LHX6: variants seen among roughly 807,000 people sequenced by gnomAD.
The protein encoded by LHX6 is LIM homeobox 6, also known as LIM/homeobox protein Lhx6.
In LHX6, 15 loss-of-function variants were observed where a neutral mutation model predicts 47.1. The observed-to-expected ratio is 0.32, with a 90% confidence interval of 0.21 to 0.49. LHX6 has a LOEUF of 0.49. Among genes scored for constraint, LHX6 ranks in the 20% least tolerant of loss-of-function variants. LHX6 has a pLI of 0.99. For synonymous variants in LHX6, 242 were observed against 233.5 expected (o/e 1.04, Z -0.33); for missense variants, 404 against 539.6 (o/e 0.75, Z 2.49).
chr9:122,228,621 G>T, intron 1 of LHX6, 36 bp downstream of exon 1: 1 of 1,304,450 alleles, frequency 7.7e-7, no homozygotes, highest in Non-Finnish European at 9.7e-7. Flanking sequence ...GCCCGACCCC[G>T]GCCCGGGCCG....
intron 4 of LHX6, among the ~76,000 whole-genome samples, chr9:122,224,334 T>TCGG (rs1187508395): frequency 6.6e-6 from 1 of 152,176 alleles, no homozygotes; most frequent in African/African-American, 2.4e-5. Flanking sequence ...CCATCTGGCA[T>TCGG]GTTTTATACC....
chr9:122,223,376 C>G (rs1369976778), intron 4 of LHX6, among the ~76,000 whole-genome samples: 2 of 152,192 alleles, frequency 1.3e-5, no homozygotes, highest in African/African-American at 2.4e-5. Flanking sequence ...TGGCCCAGTC[C>G]CATCCCTCCA....
Position 122,227,499 on chromosome 9 carries a change from G to GGA in LHX6, c.85-20_85-19insTC. ...CCATCACCTGGGGGAGGGGGGGAGGGAACGCAGGCGGCGGCGGCTGCTGAA... is the reference window on the plus strand; with the variant it reads ...CCATCACCTGGGGGAGGGGGGGAGGGGAAACGCAGGCGGCGGCGGCTGCTGAA... On this transcript the variant is annotated intron_variant, in intron 1 of 9. Transcript: ENST00000394319. 56 of 656,130 alleles carry GGA rather than the reference G, an allele frequency of 8.5e-5. No homozygotes were observed. Among genetic ancestry groups the GGA allele is most frequent in the Middle Eastern group, 3.1e-4 (1 of 3,260 alleles). 40.6% of individuals were successfully genotyped at this position (656,130 alleles called of 1,614,324 possible).
intron 1 of LHX6, chr9:122,228,065 A>G: frequency 1.8e-6 from 1 of 543,816 alleles, no homozygotes; most frequent in Non-Finnish European, 3.3e-6. Context: ...TGAGGGGCGG[A>G]GGGTGGTTGA....
At chr9:122,218,845 C>G (rs1830699745) in intron 4 of LHX6, among the ~76,000 whole-genome samples, 2 of 152,086 alleles carry the variant, frequency 1.3e-5, no homozygotes, top group South Asian at 4.2e-4. Flanking sequence ...AAGCACTTTC[C>G]CACCCCCAGG....
intron 9 of LHX6, among the ~76,000 whole-genome samples, chr9:122,209,175 A>G (rs1389175380): frequency 2.0e-5 from 3 of 152,220 alleles, no homozygotes; most frequent in African/African-American, 7.2e-5. Flanking sequence ...CTGGCTCCAC[A>G]GAGGAGGCCC....
chr9:122,226,825 C>A lies in LHX6; in HGVS notation c.339+23G>T, dbSNP rs768897725. On this transcript the variant is annotated intron_variant, in intron 3 of 9. Coordinates refer to ENST00000394319, the MANE Select transcript of LHX6 (RefSeq NM_014368.5). The surrounding 1 kb of genome is among the most constrained non-coding windows in gnomAD (Gnocchi z 6.5). ...GCGTCCCACGCCCCGACAACACGCACGCAACACCTACCCCTGTCTCACCTT... is the reference window on the plus strand; with the variant it reads ...GCGTCCCACGCCCCGACAACACGCAAGCAACACCTACCCCTGTCTCACCTT... 1 of 1,554,182 alleles carries A rather than the reference C, an allele frequency of 6.4e-7. No individual in the cohort carries two copies. The highest frequency in any genetic ancestry group is 1.9e-5 in the Admixed American group (1 of 51,314).
Position 122,226,878 on chromosome 9 carries a change from G to A in LHX6, c.309C>T (p.Gly103=). The A allele has an allele frequency of 1.3e-6, 2 of 1,567,838 alleles. No homozygotes were observed. Among genetic ancestry groups the A allele is most frequent in the Non-Finnish European group, 1.7e-6 (2 of 1,156,628 alleles). The part of the protein sequence containing the change: ...SAGKNICSSC[G]LEILDRYLLK... ...GCAGATATCGGTCCAGGATCTCGAGGCCGCAGCTGGAGCAGATGTTCTTGC... is the reference window on the plus strand; with the variant it reads ...GCAGATATCGGTCCAGGATCTCGAGACCGCAGCTGGAGCAGATGTTCTTGC... The change falls in exon 3 of 10, where the codon GGC becomes GGT. Residue 103 remains glycine (G), a synonymous_variant. Transcript: ENST00000394319. The surrounding 1 kb of genome is among the most constrained non-coding windows in gnomAD (Gnocchi z 6.5).
In LHX6 at chr9:122,213,681, A is replaced by C; in HGVS notation, c.979T>G (p.Ser327Ala). 2 of 1,612,632 alleles carry C rather than the reference A, an allele frequency of 1.2e-6. No individual in the cohort carries two copies. The highest frequency in any genetic ancestry group is 2.7e-5 in the African/African-American group (2 of 75,044). ...AACGGGGTGTAGTGGATGTCGTCGG[A>C]CAGGGCGGAGGGAAGGCGGGACGGG... ...APPSRLPSAL[S>A]DDIHYTPFSS... Residue 327 changes from serine to alanine, a missense_variant, in exon 8 of 10, where the codon TCC (serine) becomes GCC (alanine). Ser to Ala is a moderately conservative substitution (Grantham distance 99, BLOSUM62 1). Around this residue, in one of 7 missense-constraint regions of LHX6, gnomAD observed 127 missense variants for 116.1 expected, o/e 1.09. Coordinates refer to ENST00000394319, the MANE Select transcript of LHX6 (RefSeq NM_014368.5). The surrounding 1 kb of genome is among the most constrained non-coding windows in gnomAD (Gnocchi z 5.5).
intron 5 of LHX6, 56 bp downstream of exon 5, chr9:122,216,987 TGGGTGGTTCCTGGGGTGCTGGGGTG>T: frequency 8.5e-7 from 1 of 1,170,722 alleles, no homozygotes; most frequent in Non-Finnish European, 1.2e-6. Flanking sequence ...TAGAGGAGTG[TGGGTGGTTCCTGGGGTGCTGGGGTG>T]GGGTGGGGTG....
intron 1 of LHX6, 113 bp from the exon 2 acceptor site, chr9:122,227,593 T>A: frequency 7.2e-7 from 1 of 1,385,846 alleles, no homozygotes; most frequent in Non-Finnish European, 9.3e-7. Flanking sequence ...GAACAATGAG[T>A]CCTAACTTTG....
chr9:122,204,520 C>G lies in LHX6; in HGVS notation c.*240G>C. The G allele has an allele frequency of 7.1e-6, 3 of 424,150 alleles. No individual in the cohort carries two copies. Among genetic ancestry groups the G allele is most frequent in the Non-Finnish European group, 1.3e-5 (3 of 238,250 alleles). The allele number at this position is 424,150 out of a possible 1,614,324, so 26.3% of individuals were successfully genotyped here. ...AAAACAGGCTGTTTCCACCCTGATTCCAGATTTCAGGGAGTTCTGCCTTCC... is the reference window on the plus strand; with the variant it reads ...AAAACAGGCTGTTTCCACCCTGATTGCAGATTTCAGGGAGTTCTGCCTTCC... On this transcript the variant is annotated 3_prime_UTR_variant, in exon 10 of 10. Coordinates refer to ENST00000394319, the MANE Select transcript of LHX6 (RefSeq NM_014368.5).
At chr9:122,220,577 G>T (rs547292325) in intron 4 of LHX6, among the ~76,000 whole-genome samples, 4 of 152,338 alleles carry the variant, frequency 2.6e-5, no homozygotes, top group South Asian at 2.1e-4. Context: ...AAACAGATGT[G>T]CAGGAACTGC....
intron 4 of LHX6, among the ~76,000 whole-genome samples, chr9:122,219,481 C>G (rs1830737048): frequency 1.3e-5 from 2 of 152,206 alleles, no homozygotes; most frequent in Non-Finnish European, 2.9e-5. Flanking sequence ...CCTCGAAGAG[C>G]CGACCCCGGG....
chr9:122,209,536 G>T, intron 9 of LHX6, 78 bp downstream of exon 9: 1 of 1,596,236 alleles, frequency 6.3e-7, no homozygotes, highest in African/African-American at 1.3e-5. Flanking sequence ...GTACCAAATG[G>T]TTAACAGAGG....
At chr9:122,228,015 G>T in intron 1 of LHX6, 1 of 231,640 alleles carries the variant, frequency 4.3e-6, no homozygotes, top group Non-Finnish European at 7.7e-6. Context: ...AATGCAAAAA[G>T]GAGAAAAGAG....
chr9:122,228,620 C>T, intron 1 of LHX6, 37 bp downstream of exon 1: 1 of 1,306,396 alleles, frequency 7.7e-7, no homozygotes, highest in Non-Finnish European at 9.7e-7. Context: ...TGCCCGACCC[C>T]GGCCCGGGCC....
chr9:122,209,420 C>G (rs1422794496), intron 9 of LHX6, among the ~76,000 whole-genome samples, 194 bp downstream of exon 9: 1 of 152,244 alleles, frequency 6.6e-6, no homozygotes, highest in Admixed American at 6.5e-5. Context: ...TTCGGAGTGG[C>G]CATGCACACA....
chr9:122,221,638 CCAGGGACCG>C, intron 4 of LHX6: 12 of 985,516 alleles, frequency 1.2e-5, no homozygotes, highest in Non-Finnish European at 1.4e-5. Flanking sequence ...GGCAGGAGGG[CCAGGGACCG>C]CAGTGACCTG....
Sources: allele counts gnomAD v4.1 joint callset (sites outside exome capture counted in the v4.1 genomes callset), GRCh38; gene constraint gnomAD v4.1.1; regional missense constraint gnomAD v4.1.1; non-coding constraint Gnocchi (gnomAD v3.1); transcripts MANE v1.5; gene names NCBI Gene and HGNC (gene_info 2026-07-23, HGNC 2026-07-21).